SERINC1: variants seen among roughly 807,000 people sequenced by gnomAD.
SERINC1 encodes serine incorporator 1, also known as tumor differentially expressed protein 2.
Under a neutral mutation model 52.9 loss-of-function variants are expected in SERINC1, and 38 were observed. The observed-to-expected ratio is 0.72, with a 90% confidence interval of 0.55 to 0.94. The LOEUF is 0.94. Among genes scored for constraint, SERINC1 ranks in the 40% least tolerant of loss-of-function variants. The probability of loss-of-function intolerance (pLI) is 0.00; values close to 1 mark genes in which losing one functional copy is unlikely to be tolerated. For missense variants in SERINC1, 471 were observed against 533.9 expected, an observed-to-expected ratio of 0.88 and a Z score of 1.16; for synonymous variants, 198 against 183.1, an observed-to-expected ratio of 1.08 and a Z score of -0.66.
Position 122,456,615 on chromosome 6 carries a change from G to A in SERINC1, c.237C>T (p.Val79=). ...TATAGCCAACCAAAATGTTACAAGG[G>A]ACAACACCTTTCTCATTCTCACAAA... is the stretch of plus-strand genomic sequence containing the variant. ...PGFCENEKGV[V]PCNILVGYKA... is the part of the protein sequence containing the mutation. Residue 79 remains valine, a synonymous_variant, in exon 3 of 10, where the codon GTC becomes GTT. Transcript: ENST00000339697. 6.2e-7 allele frequency: 1 copy of A among 1,605,828 alleles called. No individual in the cohort carries two copies. Among genetic ancestry groups the A allele is most frequent in the Non-Finnish European group, 8.5e-7 (1 of 1,177,052 alleles).
chr6:122,444,368 G>C lies in SERINC1; in HGVS notation c.*676C>G, dbSNP rs1774721525. ...TTCAAAACCTTGTCTAAATCCTTCAGAGTTCCAAACATTTCCACTGAACCC... is the reference window on the plus strand; with the variant it reads ...TTCAAAACCTTGTCTAAATCCTTCACAGTTCCAAACATTTCCACTGAACCC... On this transcript the variant is annotated 3_prime_UTR_variant, in exon 10 of 10. Coordinates refer to ENST00000339697, the MANE Select transcript of SERINC1 (RefSeq NM_020755.4). 1.3e-5 allele frequency: 2 copies of C among 152,170 alleles called. No homozygotes were observed. The highest frequency in any genetic ancestry group is 4.8e-5 in the African/African-American group (2 of 41,410). The allele number at this position is 152,170 out of a possible 1,614,324, so 9.4% of individuals were successfully genotyped here.
intron 3 of SERINC1, among the ~76,000 whole-genome samples, chr6:122,455,487 G>T (rs1230558851): frequency 2.0e-5 from 3 of 152,056 alleles, no homozygotes; most frequent in African/African-American, 7.2e-5. Flanking sequence ...TTGAACATCA[G>T]GCTCCAAGTT....
chr6:122,470,154 T>G (rs1775254737), intron 1 of SERINC1, among the ~76,000 whole-genome samples: 1 of 152,202 alleles, frequency 6.6e-6, no homozygotes, highest in Non-Finnish European at 1.5e-5. Context: ...AGGCTGCAGT[T>G]CACTACGACC....
Position 122,447,021 on chromosome 6 carries a change from T to A in SERINC1, c.996-17A>T, listed in dbSNP as rs117586437. 1.1e-4 allele frequency: 170 copies of A among 1,586,210 alleles called. No homozygotes were observed. Among genetic ancestry groups the A allele is most frequent in the Non-Finnish European group, 1.5e-4 (168 of 1,157,570 alleles). On this transcript the variant is annotated splice_polypyrimidine_tract_variant and intron_variant, in intron 8 of 9. Transcript: ENST00000339697. ...GTACGGATGCTGTATGAAAGAGAGT[T>A]TAGGAGGAGAGAAAAAAAAGAACAT...
At position 122,447,198 on chromosome 6, in the gene SERINC1, T is replaced by C. The variant is rs139035748; in HGVS notation, c.918A>G (p.Glu306=). The change falls in exon 8 of 10, where the codon GAA becomes GAG. Residue 306 remains glutamate, a synonymous_variant. Transcript: ENST00000339697. ...CATGCCACCACTGGACTGACTGCCC[T>C]TCCTTTGGGACAGTGCTTGTTGTAT... ...GYNTTSTVPK[E]GQSVQWWHAQ... 12 of 1,612,376 alleles carry C rather than the reference T, an allele frequency of 7.4e-6. No individual in the cohort carries two copies. In the African/African-American group the frequency reaches 1.6e-4, roughly 22 times the overall value.
At position 122,458,597 on chromosome 6, in the gene SERINC1, A is replaced by G. The variant is rs1178726164; in HGVS notation, c.124T>C (p.Tyr42His). 1.2e-6 allele frequency: 2 copies of G among 1,613,180 alleles called. No homozygotes were observed. The highest frequency in any genetic ancestry group is 3.3e-5 in the Admixed American group (2 of 60,012). The stretch of plus-strand genomic sequence containing the variant: ...ACTCCAACAAGCAAGAAAAGTGCAT[A>G]GATCAATCTAGTTACAGTGGAGTTG... The part of the protein sequence containing the change: ...GNNSTVTRLI[Y>H]ALFLLVGVCV... Residue 42 changes from tyrosine (Y) to histidine (H), a missense_variant, in exon 2 of 10, where the codon TAT becomes CAT. Coordinates refer to ENST00000339697, the MANE Select transcript of SERINC1 (RefSeq NM_020755.4).
At chr6:122,463,968 T>C (rs941484142) in intron 1 of SERINC1, among the ~76,000 whole-genome samples, 4 of 152,270 alleles carry the variant, frequency 2.6e-5, no homozygotes, top group East Asian at 3.9e-4. Context: ...AATGGATAAA[T>C]TGTGGTACAT....
intron 7 of SERINC1, among the ~76,000 whole-genome samples, chr6:122,447,812 T>C (rs917008179): frequency 1.3e-5 from 2 of 152,198 alleles, no homozygotes; most frequent in African/African-American, 4.8e-5. Context: ...TCAAGTCTTA[T>C]TCTTTTATAA....
chr6:122,446,434 AAG>A (rs1305227492), intron 9 of SERINC1, among the ~76,000 whole-genome samples: 1 of 152,158 alleles, frequency 6.6e-6, no homozygotes, highest in African/African-American at 2.4e-5. Flanking sequence ...GTTCAAACAA[AAG>A]AGAAAAAAGG....
chr6:122,449,248 A>C (rs180917557), intron 7 of SERINC1, among the ~76,000 whole-genome samples: 45 of 152,360 alleles, frequency 3.0e-4, no homozygotes, highest in African/African-American at 1.1e-3. Context: ...AAAAGCTAGA[A>C]ATGATTAAGC....
intron 1 of SERINC1, among the ~76,000 whole-genome samples, chr6:122,460,911 A>T (rs1293258193): frequency 6.6e-6 from 1 of 152,198 alleles, no homozygotes; most frequent in Non-Finnish European, 1.5e-5. Context: ...GACCCATATC[A>T]TACTTCTCCA....
At chr6:122,450,762 A>G (rs1271991484) in intron 7 of SERINC1, among the ~76,000 whole-genome samples, 2 of 152,122 alleles carry the variant, frequency 1.3e-5, no homozygotes, top group Admixed American at 1.3e-4. Context: ...TCAAGACTTT[A>G]GTGGAGGAAG....
intron 2 of SERINC1, among the ~76,000 whole-genome samples, chr6:122,458,008 T>C (rs1775030972): frequency 6.6e-6 from 1 of 152,116 alleles, no homozygotes; most frequent in Admixed American, 6.6e-5. Flanking sequence ...TCACTGCCAA[T>C]ATTTCAGTGC....
chr6:122,465,783 T>C (rs1281138072), intron 1 of SERINC1, among the ~76,000 whole-genome samples: 2 of 152,158 alleles, frequency 1.3e-5, no homozygotes, highest in Non-Finnish European at 2.9e-5. Context: ...AAAGAAATTA[T>C]AGGCAGACAT....
Position 122,452,008 on chromosome 6 carries a change from G to A in SERINC1, c.639C>T (p.Ile213=), listed in dbSNP as rs139825387. 4.4e-6 allele frequency: 7 copies of A among 1,583,220 alleles called. No homozygotes were observed. In the African/African-American group the frequency reaches 5.5e-5, roughly 12 times the overall value. ...ALNYLLSLVA[I]VLFFVYYTHP... is the part of the protein sequence containing the mutation. ...GAGTGTAGTAGACAAAGAACAGGAC[G>A]ATAGCAACTAAAGACAGCAGATAAT... Residue 213 remains isoleucine, a synonymous_variant, in exon 6 of 10, where the codon ATC becomes ATT. Coordinates refer to ENST00000339697, the MANE Select transcript of SERINC1 (RefSeq NM_020755.4).
intron 1 of SERINC1, among the ~76,000 whole-genome samples, chr6:122,462,340 A>C (rs1775120333): frequency 6.6e-6 from 1 of 152,194 alleles, no homozygotes; most frequent in African/African-American, 2.4e-5. Context: ...CACCATTTGA[A>C]TTCAACTTCA....
At chr6:122,457,976 G>A (rs779176326) in intron 2 of SERINC1, among the ~76,000 whole-genome samples, 14 of 152,014 alleles carry the variant, frequency 9.2e-5, no homozygotes, top group Non-Finnish European at 1.6e-4. Context: ...ACCAGAACCT[G>A]GTTGTTATTT....
chr6:122,455,621 T>C (rs1200127771), intron 3 of SERINC1, among the ~76,000 whole-genome samples: 1 of 152,170 alleles, frequency 6.6e-6, no homozygotes, highest in Non-Finnish European at 1.5e-5. Flanking sequence ...CTATCTATCC[T>C]ATTAGTTCTG....
chr6:122,444,808 CACTTT>C lies in SERINC1; in HGVS notation c.*231_*235del. On this transcript the variant is annotated 3_prime_UTR_variant, in exon 10 of 10. Coordinates refer to ENST00000339697, the MANE Select transcript of SERINC1 (RefSeq NM_020755.4). Reference sequence around the variant, plus strand: ...AGCAGAGAATAAGCCCAATAATGGCCACTTTTACTAACTCATCACCATATTCATAA... The same window carrying C: ...AGCAGAGAATAAGCCCAATAATGGCCTACTAACTCATCACCATATTCATAA... 1 of 471,280 alleles carries C rather than the reference CACTTT, an allele frequency of 2.1e-6. No homozygotes were observed. Among genetic ancestry groups the C allele is most frequent in the Non-Finnish European group, 3.7e-6 (1 of 266,884 alleles). 29.2% of individuals were successfully genotyped at this position (471,280 alleles called of 1,614,324 possible).
Sources: allele counts gnomAD v4.1 joint callset (sites outside exome capture counted in the v4.1 genomes callset), GRCh38; gene constraint gnomAD v4.1.1; transcripts MANE v1.5; gene names NCBI Gene and HGNC (gene_info 2026-07-23, HGNC 2026-07-21).